The following SPEGNB variants were observed in gnomAD, a reference collection of about 807,000 sequenced individuals.
SPEGNB encodes SPEG neighbor protein.
In SPEGNB, 12 loss-of-function variants were observed where a neutral mutation model predicts 18.3. The ratio of observed to expected loss-of-function variants is 0.65; its 90% CI spans 0.42 to 1.06. The LOEUF (loss-of-function observed/expected upper bound fraction) is 1.06, where lower values mean the gene tolerates loss of function less well. Among genes scored for constraint, SPEGNB ranks in the 50% least tolerant of loss-of-function variants. The pLI is 0.00. For synonymous variants in SPEGNB, 113 were observed against 138.8 expected, an observed-to-expected ratio of 0.81 and a Z score of 1.31; for missense variants, 273 against 329.3, an observed-to-expected ratio of 0.83 and a Z score of 1.32.
At chr2:219,496,705 G>T in intron 2 of SPEGNB, 104 bp from the exon 3 acceptor site, 1 of 1,074,216 alleles carries the variant, frequency 9.3e-7, no homozygotes, top group African/African-American at 1.7e-5. Context: ...CACGTTTAGG[G>T]GTCTGGCCGG....
chr2:219,496,351 C>T lies in SPEGNB; in HGVS notation c.1-4C>T. The T allele has an allele frequency of 2.4e-6, 3 of 1,253,972 alleles. No homozygotes were observed. The South Asian group carries it at 3.9e-5, about 16-fold the overall frequency. 77.7% of individuals were successfully genotyped at this position (1,253,972 alleles called of 1,614,324 possible). A position where few individuals can be genotyped will look rare whatever the true frequency, so the allele number is the denominator to read the frequency against. ...GACCCCCATATTTGTCGCCCACTCC[C>T]CAGATGTCTAAAGCAGCTCCTGCCA... On this transcript the variant is annotated splice_polypyrimidine_tract_variant and splice_region_variant and intron_variant, in intron 1 of 4. Coordinates refer to ENST00000651166, the MANE Select transcript of SPEGNB (RefSeq NM_001286811.2).
chr2:219,497,775 C>A lies in SPEGNB; in HGVS notation c.492C>A (p.Thr164=). 7.7e-7 allele frequency: 1 copy of A among 1,304,388 alleles called. No individual in the cohort carries two copies. Among genetic ancestry groups the A allele is most frequent in the Non-Finnish European group, 1.0e-6 (1 of 988,986 alleles). 80.8% of individuals were successfully genotyped at this position (1,304,388 alleles called of 1,614,324 possible). ...PDNTKARKGT[T]VTLTAEILGE... ...ACACTAAGGCGCGCAAAGGCACCAC[C>A]GTGACGCTGACTGCGGAGATCCTGG... is the stretch of plus-strand genomic sequence containing the variant. Residue 164 remains threonine (T), a synonymous_variant, in exon 4 of 5, where the codon ACC becomes ACA. Coordinates refer to ENST00000651166, the MANE Select transcript of SPEGNB (RefSeq NM_001286811.2).
At position 219,496,349 on chromosome 2, in the gene SPEGNB, C is replaced by T. The variant is rs772628046; in HGVS notation, c.1-6C>T. On this transcript the variant is annotated splice_polypyrimidine_tract_variant and splice_region_variant and intron_variant, in intron 1 of 4. Transcript: ENST00000651166. ...TGGACCCCCATATTTGTCGCCCACT[C>T]CCCAGATGTCTAAAGCAGCTCCTGC... 1 of 1,084,272 alleles carries T rather than the reference C, an allele frequency of 9.2e-7. No homozygotes were observed. The highest frequency in any genetic ancestry group is 6.2e-5 in the East Asian group (1 of 16,146). The allele number at this position is 1,084,272 out of a possible 1,614,324, so 67.2% of individuals were successfully genotyped here. A position where few individuals can be genotyped will look rare whatever the true frequency, so the allele number is the denominator to read the frequency against.
chr2:219,497,726 C>A lies in SPEGNB; in HGVS notation c.443C>A (p.Thr148Lys). 2 of 1,303,782 alleles carry A rather than the reference C, an allele frequency of 1.5e-6. No individual in the cohort carries two copies. The highest frequency in any genetic ancestry group is 1.2e-5 in the South Asian group (1 of 81,018). 80.8% of individuals were successfully genotyped at this position (1,303,782 alleles called of 1,614,324 possible). The change falls in exon 4 of 5, where the codon ACG becomes AAG. Residue 148 changes from threonine (T) to lysine (K), a missense_variant. Physicochemically the swap from Thr to Lys is moderately conservative, Grantham distance 78. Transcript: ENST00000651166. ...DSARILVEVPTKIQKGPDNTK... is the reference protein window; with the variant it reads ...DSARILVEVPKKIQKGPDNTK... Reference sequence around the variant, plus strand: ...TCCCCTTTCCTTCCGCTAGTCCCGACGAAGATTCAAAAGGGACCCGACAAC... The same window carrying A: ...TCCCCTTTCCTTCCGCTAGTCCCGAAGAAGATTCAAAAGGGACCCGACAAC...
Position 219,496,380 on chromosome 2 carries a change from A to G in SPEGNB, c.26A>G (p.Lys9Arg), listed in dbSNP as rs113498803. ...ATGTCTAAAGCAGCTCCTGCCAAAA[A>G]GCCAGTGGCTGTGGCCCCAGCTCCT... is the stretch of plus-strand genomic sequence containing the variant. MSKAAPAK[K>R]PVAVAPAPGC... Residue 9 changes from lysine (K) to arginine (R), a missense_variant, in exon 2 of 5, where the codon AAG becomes AGG. By Grantham distance (26) the Lys-to-Arg change is conservative. Coordinates refer to ENST00000651166, the MANE Select transcript of SPEGNB (RefSeq NM_001286811.2). The G allele has an allele frequency of 1.6e-6, 2 of 1,280,348 alleles. No individual in the cohort carries two copies. Among genetic ancestry groups the G allele is most frequent in the Non-Finnish European group, 2.1e-6 (2 of 971,612 alleles). 79.3% of individuals were successfully genotyped at this position (1,280,348 alleles called of 1,614,324 possible).
rs1285283330 is a variant in SPEGNB, at chr2:219,496,866, C to G, written c.186C>G (p.Asp62Glu). ...GPPRVLEPLK[D>E]VVLIEGSAAK... Reference sequence around the variant, plus strand: ...CGCGGGTGCTGGAGCCGCTGAAGGACGTGGTGCTGATCGAAGGCAGCGCGG... The same window carrying G: ...CGCGGGTGCTGGAGCCGCTGAAGGAGGTGGTGCTGATCGAAGGCAGCGCGG... The change falls in exon 3 of 5, where the codon GAC becomes GAG. Residue 62 changes from aspartate to glutamate, a missense_variant. Transcript: ENST00000651166. The G allele has an allele frequency of 1.6e-6, 2 of 1,282,876 alleles. No homozygotes were observed. The highest frequency in any genetic ancestry group is 3.1e-5 in the African/African-American group (2 of 65,336). 79.5% of individuals were successfully genotyped at this position (1,282,876 alleles called of 1,614,324 possible). A position where few individuals can be genotyped will look rare whatever the true frequency, so the allele number is the denominator to read the frequency against.
chr2:219,497,163 C>A (rs1352786598), intron 3 of SPEGNB, 47 bp downstream of exon 3: 3 of 1,132,300 alleles, frequency 2.6e-6, no homozygotes, highest in Non-Finnish European at 3.3e-6. Context: ...CAGCACCACT[C>A]AGCCAGAGCC....
In SPEGNB at chr2:219,498,126, C is replaced by T. The variant is rs1224302395; in HGVS notation, c.654C>T (p.Tyr218=). The change falls in exon 5 of 5, where the codon TAC becomes TAT. Residue 218 remains tyrosine (Y), a synonymous_variant. Transcript: ENST00000651166. The stretch of plus-strand genomic sequence containing the variant: ...CCACGCCTCAGGACAGCGGCAAGTA[C>T]GAGGTGTACGTGGAGAACAGCCTGG... ...RRATPQDSGK[Y]EVYVENSLGM... is the part of the protein sequence containing the mutation. The T allele has an allele frequency of 1.5e-6, 2 of 1,304,334 alleles. No individual in the cohort carries two copies. The highest frequency in any genetic ancestry group is 2.0e-6 in the Non-Finnish European group (2 of 988,954). 80.8% of individuals were successfully genotyped at this position (1,304,334 alleles called of 1,614,324 possible).
chr2:219,496,338 T>G lies in SPEGNB; in HGVS notation c.1-17T>G. The stretch of plus-strand genomic sequence containing the variant: ...CTGTCTCAACCTGGACCCCCATATT[T>G]GTCGCCCACTCCCCAGATGTCTAAA... On this transcript the variant is annotated splice_polypyrimidine_tract_variant and intron_variant, in intron 1 of 4. Transcript: ENST00000651166. The G allele has an allele frequency of 8.2e-7, 1 of 1,216,482 alleles. No individual in the cohort carries two copies. The highest frequency in any genetic ancestry group is 1.1e-6 in the Non-Finnish European group (1 of 933,960). 75.4% of individuals were successfully genotyped at this position (1,216,482 alleles called of 1,614,324 possible).
chr2:219,497,988 C>T (rs901019061), intron 4 of SPEGNB, 63 bp from the exon 5 acceptor site: 8 of 1,272,044 alleles, frequency 6.3e-6, no homozygotes, highest in Non-Finnish European at 8.2e-6. Context: ...GGCTAAGGAG[C>T]CCCGCCCAGT....
At chr2:219,496,692 C>A in intron 2 of SPEGNB, 117 bp from the exon 3 acceptor site, 1 of 1,040,374 alleles carries the variant, frequency 9.6e-7, no homozygotes, top group Non-Finnish European at 1.2e-6. Flanking sequence ...CCCTACCAAG[C>A]CACACGTTTA....
chr2:219,496,294 G>A, intron 1 of SPEGNB, 61 bp from the exon 2 acceptor site: 1 of 1,146,598 alleles, frequency 8.7e-7, no homozygotes, highest in South Asian at 1.8e-5. Context: ...GGGAGGAAAA[G>A]GGCTGAAGGT....
At position 219,497,739 on chromosome 2, in the gene SPEGNB, G is replaced by T. The variant is rs369137937; in HGVS notation, c.456G>T (p.Lys152Asn). 3 of 1,304,236 alleles carry T rather than the reference G, an allele frequency of 2.3e-6. No individual in the cohort carries two copies. The highest frequency in any genetic ancestry group is 1.5e-5 in the African/African-American group (1 of 65,996). The allele number at this position is 1,304,236 out of a possible 1,614,324, so 80.8% of individuals were successfully genotyped here. ...ILVEVPTKIQ[K>N]GPDNTKARKG... ...CGCTAGTCCCGACGAAGATTCAAAA[G>T]GGACCCGACAACACTAAGGCGCGCA... The change falls in exon 4 of 5, where the codon AAG becomes AAT. Residue 152 changes from lysine to asparagine, a missense_variant. Coordinates refer to ENST00000651166, the MANE Select transcript of SPEGNB (RefSeq NM_001286811.2).
At chr2:219,497,885 G>T (rs1381381357) in intron 4 of SPEGNB, 24 bp downstream of exon 4, 2 of 1,302,764 alleles carry the variant, frequency 1.5e-6, no homozygotes, top group Non-Finnish European at 2.0e-6. Flanking sequence ...CCTGCGGCAC[G>T]GCCAGGGCCT....
intron 1 of SPEGNB, 58 bp downstream of exon 1, chr2:219,496,275 T>TTC: frequency 1.8e-6 from 2 of 1,111,016 alleles, no homozygotes; most frequent in Non-Finnish European, 2.3e-6. Context: ...TCCCTGAATG[T>TTC]TCTGACCAGG....
Position 219,496,249 on chromosome 2 carries a change from C to T in SPEGNB, c.-1+32C>T, listed in dbSNP as rs1469834445. 3.9e-6 allele frequency: 4 copies of T among 1,033,732 alleles called. No homozygotes were observed. In the African/African-American group the frequency reaches 6.7e-5, roughly 17 times the overall value. The allele number at this position is 1,033,732 out of a possible 1,614,324, so 64.0% of individuals were successfully genotyped here. A position where few individuals can be genotyped will look rare whatever the true frequency, so the allele number is the denominator to read the frequency against. On this transcript the variant is annotated intron_variant, in intron 1 of 4. Coordinates refer to ENST00000651166, the MANE Select transcript of SPEGNB (RefSeq NM_001286811.2). ...CTGATCCTCAGAGAAGCCGCAGACACCCCCATTCCTCCATCTCCCTGAATG... is the reference window on the plus strand; with the variant it reads ...CTGATCCTCAGAGAAGCCGCAGACATCCCCATTCCTCCATCTCCCTGAATG...
chr2:219,496,375 C>CA lies in SPEGNB; in HGVS notation c.26dup (p.Pro10AlafsTer16). ...CCCAGATGTCTAAAGCAGCTCCTGC[C>CA]AAAAAGCCAGTGGCTGTGGCCCCAG... On this transcript the variant is annotated frameshift_variant, in exon 2 of 5. Coordinates refer to ENST00000651166, the MANE Select transcript of SPEGNB (RefSeq NM_001286811.2). LOFTEE classifies it high-confidence loss of function. The CA allele has an allele frequency of 7.8e-7, 1 of 1,279,114 alleles. No homozygotes were observed. The highest frequency in any genetic ancestry group is 1.0e-6 in the Non-Finnish European group (1 of 971,002). 79.2% of individuals were successfully genotyped at this position (1,279,114 alleles called of 1,614,324 possible).
chr2:219,496,901 C>T lies in SPEGNB; in HGVS notation c.221C>T (p.Thr74Ile), dbSNP rs1403009567. 2 of 1,298,710 alleles carry T rather than the reference C, an allele frequency of 1.5e-6. No homozygotes were observed. Among genetic ancestry groups the T allele is most frequent in the African/African-American group, 1.5e-5 (1 of 65,750 alleles). The allele number at this position is 1,298,710 out of a possible 1,614,324, so 80.4% of individuals were successfully genotyped here. ...VLIEGSAAKL[T>I]CRISAFPDPF... is the part of the protein sequence containing the mutation. ...ATCGAAGGCAGCGCGGCCAAGCTCACTTGCCGCATTTCGGCTTTCCCGGAC... is the reference window on the plus strand; with the variant it reads ...ATCGAAGGCAGCGCGGCCAAGCTCATTTGCCGCATTTCGGCTTTCCCGGAC... Residue 74 changes from threonine to isoleucine, a missense_variant, in exon 3 of 5, where the codon ACT becomes ATT. Transcript: ENST00000651166.
At chr2:219,496,275 T>C in intron 1 of SPEGNB, 58 bp downstream of exon 1, 5 of 1,111,016 alleles carry the variant, frequency 4.5e-6, no homozygotes, top group Non-Finnish European at 4.6e-6. Context: ...TCCCTGAATG[T>C]TCTGACCAGG....
Sources: allele counts gnomAD v4.1 joint callset, GRCh38; gene constraint gnomAD v4.1.1; transcripts MANE v1.5; gene names NCBI Gene and HGNC (gene_info 2026-07-23, HGNC 2026-07-21).